The following C6 variants were observed in gnomAD, a reference collection of about 807,000 sequenced individuals.
C6 encodes the protein complement C6.
Under a neutral mutation model 112.9 loss-of-function variants are expected in C6, and 101 were observed. The observed-to-expected ratio is 0.89, with a 90% CI of 0.76 to 1.06. C6 has a LOEUF of 1.06. Among genes scored for constraint, C6 ranks in the 50% least tolerant of loss-of-function variants. C6 has a pLI of 0.00. For synonymous variants in C6, 431 were observed against 384.1 expected (o/e 1.12, Z -1.43); for missense variants, 1,202 against 1,104.6 (o/e 1.09, Z -1.25).
At chr5:41,158,814 T>A in intron 12 of C6, 29 bp from the exon 13 acceptor site, 3 of 1,214,508 alleles carry the variant, frequency 2.5e-6, no homozygotes, top group Non-Finnish European at 2.5e-6. Context: ...TATGTGTGTA[T>A]ATGTATGTAT....
intron 8 of C6, among the ~76,000 whole-genome samples, chr5:41,175,322 G>A (rs6873877): frequency 0.89 from 135,328 of 152,244 alleles, 60,200 homozygotes; most frequent in Admixed American, 0.93. Context: ...ATGCATATAT[G>A]GACACACTGT....
intron 6 of C6, 140 bp from the exon 7 acceptor site, chr5:41,181,699 A>G (rs1423580876): frequency 1.3e-6 from 1 of 746,676 alleles, no homozygotes; most frequent in Non-Finnish European, 2.2e-6. Flanking sequence ...AGAACAAAGA[A>G]TAGTGTTATT....
intron 14 of C6, among the ~76,000 whole-genome samples, 153 bp downstream of exon 14, chr5:41,154,819 C>A (rs1443800255): frequency 6.6e-6 from 1 of 152,122 alleles, no homozygotes; most frequent in African/African-American, 2.4e-5. Context: ...AGCAAATGAG[C>A]CCTTCTATTT....
intron 3 of C6, 71 bp from the exon 4 acceptor site, chr5:41,199,983 G>A (rs2150362510): frequency 1.4e-6 from 2 of 1,423,018 alleles, no homozygotes; most frequent in African/African-American, 1.4e-5. Flanking sequence ...AGAAAACTGG[G>A]CTCCTCAATC....
rs1193324715 is a variant in C6, at chr5:41,210,372, C to G, written c.-21+3004G>C. Among the ~76,000 whole-genome samples the G allele has an allele frequency of 2.0e-5, 3 of 152,160 alleles. No individual in the cohort carries two copies. The East Asian group carries it at 5.8e-4, about 29-fold the overall frequency. On this transcript the variant is annotated intron_variant, in intron 1 of 17. Transcript: ENST00000337836. ...AAAAGCCAAAATTGACAAATGGGAT[C>G]TAATTAAACTAAAGAGCTTCTGCTC... is the stretch of plus-strand genomic sequence containing the variant.
intron 1 of C6, among the ~76,000 whole-genome samples, chr5:41,211,072 T>C (rs1192903530): frequency 6.6e-6 from 1 of 152,062 alleles, no homozygotes; most frequent in Non-Finnish European, 1.5e-5. Context: ...AAATGATGAG[T>C]TCATATCCTT....
At chr5:41,239,357 C>A (rs1453285857) in intron 1 of C6, among the ~76,000 whole-genome samples, 1 of 152,030 alleles carries the variant, frequency 6.6e-6, no homozygotes, top group South Asian at 2.1e-4. Flanking sequence ...AGTGATCCAC[C>A]TGCCTCGGCC....
Position 41,246,212 on chromosome 5 carries a change from G to A in C6, c.-21+14982C>T, listed in dbSNP as rs990128378. Among the ~76,000 whole-genome samples, 6 of 152,120 alleles carry A rather than the reference G, an allele frequency of 3.9e-5. No homozygotes were observed. In the East Asian group the frequency reaches 1.2e-3, roughly 29 times the overall value. On this transcript the variant is annotated intron_variant, in intron 1 of 17. Coordinates refer to the C6 transcript ENST00000263413. Reference sequence around the variant, plus strand: ...TACTCTCTTAGTATCTTGGTGCTACGTTTCTCTTGGATTCCATGCCTCTTG... The same window carrying A: ...TACTCTCTTAGTATCTTGGTGCTACATTTCTCTTGGATTCCATGCCTCTTG...
At chr5:41,223,193 C>T (rs1445878099) in intron 1 of C6, among the ~76,000 whole-genome samples, 1 of 152,000 alleles carries the variant, frequency 6.6e-6, no homozygotes, top group Non-Finnish European at 1.5e-5. Flanking sequence ...GTATTGTTAC[C>T]ACACTGGGCA....
Position 41,158,742 on chromosome 5 carries a change from C to A in C6, c.1900G>T (p.Asp634Tyr). 6.2e-7 allele frequency: 1 copy of A among 1,609,874 alleles called. No homozygotes were observed. Among genetic ancestry groups the A allele is most frequent in the South Asian group, 1.1e-5 (1 of 90,996 alleles). ...GAATCTGCTTCTATCTCAGGAAGATCGACCTCTTTCATTTCTTCGTCATCA... is the reference window on the plus strand; with the variant it reads ...GAATCTGCTTCTATCTCAGGAAGATAGACCTCTTTCATTTCTTCGTCATCA... ...INDDEEMKEV[D>Y]LPEIEADSGC... is the part of the protein sequence containing the mutation. The change falls in exon 13 of 18, where the codon GAT becomes TAT. Residue 634 changes from aspartate to tyrosine, a missense_variant. Transcript: ENST00000337836.
At chr5:41,217,602 A>G (rs2150401002), upstream of C6, among the ~76,000 whole-genome samples, 1 of 152,306 alleles carries the variant, frequency 6.6e-6, no homozygotes, top group Admixed American at 6.5e-5. Flanking sequence ...TGAACAATGC[A>G]TAATGATGAT....
intron 6 of C6, 81 bp downstream of exon 6, chr5:41,185,989 A>T: frequency 6.5e-7 from 1 of 1,539,500 alleles, no homozygotes; most frequent in Non-Finnish European, 9.0e-7. Context: ...CTGTCCCTTC[A>T]TTCATCACTA....
intron 9 of C6, among the ~76,000 whole-genome samples, chr5:41,166,703 G>A (rs1453409900): frequency 6.6e-6 from 1 of 152,110 alleles, no homozygotes; most frequent in African/African-American, 2.4e-5. Flanking sequence ...GTGAATGCAG[G>A]TTGCAGTGAG....
intron 1 of C6, among the ~76,000 whole-genome samples, chr5:41,208,508 A>C (rs1751622283): frequency 6.6e-6 from 1 of 152,240 alleles, no homozygotes; most frequent in African/African-American, 2.4e-5. Context: ...AGAAGAATGA[A>C]ATAGACACAA....
intron 1 of C6, among the ~76,000 whole-genome samples, chr5:41,239,631 T>G (rs1740571621): frequency 6.6e-6 from 1 of 152,104 alleles, no homozygotes; most frequent in Non-Finnish European, 1.5e-5. Context: ...CACACCTTTC[T>G]GAGCCTCTAG....
chr5:41,250,489 C>A (rs1328569264), intron 1 of C6, among the ~76,000 whole-genome samples: 1 of 152,204 alleles, frequency 6.6e-6, no homozygotes, highest in African/African-American at 2.4e-5. Flanking sequence ...TTGTCTCTAT[C>A]TTCTCTGTCC....
At chr5:41,203,375 G>A (rs960974425) in intron 1 of C6, 125 bp from the exon 2 acceptor site, 6 of 891,744 alleles carry the variant, frequency 6.7e-6, no homozygotes, top group Non-Finnish European at 1.1e-5. Context: ...CTTCCTTAAG[G>A]CAAGTCAACA....
chr5:41,161,924 A>G, intron 9 of C6, 65 bp from the exon 10 acceptor site: 1 of 1,515,156 alleles, frequency 6.6e-7, no homozygotes, highest in East Asian at 2.3e-5. Flanking sequence ...TAAAACAAAC[A>G]AACAAAAACC....
intron 3 of C6, 91 bp from the exon 4 acceptor site, chr5:41,200,003 A>T (rs1199626585): frequency 4.5e-6 from 5 of 1,115,602 alleles, no homozygotes; most frequent in African/African-American, 1.6e-5. Flanking sequence ...CACAACAGTG[A>T]TTTTTCCTAT....
Sources: allele counts gnomAD v4.1 joint callset (sites outside exome capture counted in the v4.1 genomes callset), GRCh38; gene constraint gnomAD v4.1.1; transcripts MANE v1.5; gene names NCBI Gene and HGNC (gene_info 2026-07-23, HGNC 2026-07-21).